The following CYTH1 variants were observed in gnomAD, a reference collection of about 807,000 sequenced individuals.
CYTH1 encodes cytohesin-1.
Under a neutral mutation model 61.8 loss-of-function variants are expected in CYTH1, and 18 were observed. That is an observed-to-expected ratio of 0.29 (90% CI 0.20 to 0.43). CYTH1 has a LOEUF of 0.43. Among genes scored for constraint, CYTH1 ranks in the 20% least tolerant of loss-of-function variants. The pLI is 1.00. For synonymous variants in CYTH1, 174 were observed against 184.3 expected (o/e 0.94, Z 0.45); for missense variants, 336 against 510.5 (o/e 0.66, Z 3.29).
intron 1 of CYTH1, among the ~76,000 whole-genome samples, chr17:78,718,543 C>T (rs528287159): frequency 2.6e-5 from 4 of 152,334 alleles, no homozygotes; most frequent in South Asian, 2.1e-4. Flanking sequence ...TCGCCACATA[C>T]CTGTGTCAAT....
At chr17:78,693,804 T>C (rs2092912843) in intron 10 of CYTH1, among the ~76,000 whole-genome samples, 2 of 152,162 alleles carry the variant, frequency 1.3e-5, no homozygotes, top group Non-Finnish European at 2.9e-5. Flanking sequence ...GAACATTTTC[T>C]GAACATGAAC....
At chr17:78,734,208 C>T (rs1245579448) in intron 1 of CYTH1, among the ~76,000 whole-genome samples, 1 of 151,530 alleles carries the variant, frequency 6.6e-6, no homozygotes, top group East Asian at 2.0e-4. Context: ...CAAGATTGCA[C>T]TCCAGCCTCG....
rs548238121 is a variant in CYTH1 at position 78,676,233 on chromosome 17, G to GCAGGGGATTCT, written c.1119-75_1119-65dup. 8.2e-5 allele frequency: 126 copies of GCAGGGGATTCT among 1,528,180 alleles called. No individual in the cohort carries two copies. In the South Asian group the frequency reaches 1.4e-3, roughly 17 times the overall value. The allele number at this position is 1,528,180 out of a possible 1,614,324, so 94.7% of individuals were successfully genotyped here. Reference sequence around the variant, plus strand: ...ACAGAATCAGAAGAAACACACCCAGGCAGGGGATTCTCAGGGGCCCCTCGT... The same window carrying GCAGGGGATTCT: ...ACAGAATCAGAAGAAACACACCCAGGCAGGGGATTCTCAGGGGATTCTCAGGGGCCCCTCGT... On this transcript the variant is annotated intron_variant, in intron 13 of 13. Coordinates refer to ENST00000446868, the MANE Select transcript of CYTH1 (RefSeq NM_004762.6).
At chr17:78,774,801 T>A (rs1350217588) in intron 1 of CYTH1, among the ~76,000 whole-genome samples, 2 of 152,158 alleles carry the variant, frequency 1.3e-5, no homozygotes, top group African/African-American at 2.4e-5. Flanking sequence ...TTATCCAGAG[T>A]CTTTGGTCAC....
intron 1 of CYTH1, chr17:78,727,627 T>A: frequency 2.1e-6 from 1 of 469,940 alleles, no homozygotes; most frequent in Non-Finnish European, 4.4e-6. Flanking sequence ...CGCGGGAAGG[T>A]CCAGGATACT....
chr17:78,674,585 G>A lies in CYTH1; in HGVS notation c.*1506C>T, dbSNP rs1477679846. 1 of 152,324 alleles carries A rather than the reference G, an allele frequency of 6.6e-6. No homozygotes were observed. The highest frequency in any genetic ancestry group is 2.4e-5 in the African/African-American group (1 of 41,468). The allele number at this position is 152,324 out of a possible 1,614,324, so 9.4% of individuals were successfully genotyped here. On this transcript the variant is annotated 3_prime_UTR_variant, in exon 14 of 14. Coordinates refer to ENST00000446868, the MANE Select transcript of CYTH1 (RefSeq NM_004762.6). ...CTCCTCTGCAAAAGCTATTTCCAGA[G>A]ATGCTCGCCAACCCTAAAGGATCAG...
At chr17:78,712,957 C>T (rs1169592261) in intron 1 of CYTH1, among the ~76,000 whole-genome samples, 2 of 151,926 alleles carry the variant, frequency 1.3e-5, no homozygotes, top group East Asian at 3.9e-4. Flanking sequence ...CAGTCCCATT[C>T]CTGTGTCAAG....
intron 11 of CYTH1, among the ~76,000 whole-genome samples, chr17:78,690,121 T>C (rs1037921961): frequency 3.3e-5 from 5 of 151,910 alleles, no homozygotes; most frequent in Non-Finnish European, 7.4e-5. Context: ...GACAGCATCC[T>C]CTCTGTGTCT....
chr17:78,689,567 G>A (rs369520572), intron 11 of CYTH1, among the ~76,000 whole-genome samples: 7 of 152,168 alleles, frequency 4.6e-5, no homozygotes, highest in Admixed American at 2.0e-4. Context: ...AGCTTCCACC[G>A]CTCGCCTGCC....
At chr17:78,697,731 G>A (rs2092955920) in intron 9 of CYTH1, among the ~76,000 whole-genome samples, 1 of 152,154 alleles carries the variant, frequency 6.6e-6, no homozygotes, top group African/African-American at 2.4e-5. Context: ...AGAAGGAAGT[G>A]ACGATGCACT....
intron 1 of CYTH1, among the ~76,000 whole-genome samples, chr17:78,711,336 C>A (rs1227409895): frequency 3.3e-5 from 5 of 150,804 alleles, no homozygotes; most frequent in African/African-American, 1.2e-4. Flanking sequence ...CACACACACA[C>A]ACCAGACTTT....
intron 11 of CYTH1, 62 bp downstream of exon 11, chr17:78,692,355 A>G: frequency 1.3e-6 from 2 of 1,526,956 alleles, no homozygotes; most frequent in Non-Finnish European, 1.8e-6. Context: ...GTCTGATTAG[A>G]GACACTTGGA....
intron 12 of CYTH1, 46 bp downstream of exon 12, chr17:78,680,925 G>C: frequency 2.5e-6 from 4 of 1,578,984 alleles, no homozygotes; most frequent in Non-Finnish European, 3.5e-6. Flanking sequence ...TCTTTGAAAT[G>C]CCCATCCCCT....
At chr17:78,696,088 G>T (rs1219990783) in intron 9 of CYTH1, 79 bp from the exon 10 acceptor site, 1 of 1,362,392 alleles carries the variant, frequency 7.3e-7, no homozygotes, top group Non-Finnish European at 9.8e-7. Flanking sequence ...TTAAAACAAA[G>T]AAATTAAACC....
At position 78,745,282 on chromosome 17, in the gene CYTH1, C is replaced by T. The variant is rs1404683995; in HGVS notation, c.23-35550G>A. Among the ~76,000 whole-genome samples the T allele has an allele frequency of 3.3e-5, 5 of 152,110 alleles. No homozygotes were observed. In the South Asian group the frequency reaches 1.0e-3, roughly 32 times the overall value. On this transcript the variant is annotated intron_variant, in intron 1 of 13. Transcript: ENST00000446868. ...CACCATCGCCAACCTCACCACAGCC[C>T]TCGGAGGCATCTGGAAACATGTCAA...
intron 11 of CYTH1, among the ~76,000 whole-genome samples, chr17:78,686,561 G>C (rs138859687): frequency 2.5e-3 from 387 of 152,156 alleles, no homozygotes; most frequent in Non-Finnish European, 4.4e-3. Flanking sequence ...GGTGAGTGGT[G>C]GGAGAGCTCA....
At chr17:78,698,787 T>G (rs774719566) in intron 8 of CYTH1, 33 bp downstream of exon 8, 2 of 1,541,114 alleles carry the variant, frequency 1.3e-6, no homozygotes, top group Admixed American at 2.4e-5. Flanking sequence ...AACTCTTTCT[T>G]GACTTGAATG....
At chr17:78,734,334 C>T (rs1380540242) in intron 1 of CYTH1, among the ~76,000 whole-genome samples, 1 of 146,998 alleles carries the variant, frequency 6.8e-6, no homozygotes, top group African/African-American at 2.5e-5. Flanking sequence ...AAATAGTGCC[C>T]AATTAATTAA....
intron 11 of CYTH1, among the ~76,000 whole-genome samples, chr17:78,683,302 G>C (rs968555197): frequency 2.6e-5 from 4 of 152,120 alleles, no homozygotes; most frequent in African/African-American, 9.7e-5. Context: ...CTGTTCGGCT[G>C]CTTTGGTCTC....
Sources: allele counts gnomAD v4.1 joint callset (sites outside exome capture counted in the v4.1 genomes callset), GRCh38; gene constraint gnomAD v4.1.1; transcripts MANE v1.5; gene names NCBI Gene and HGNC (gene_info 2026-07-23, HGNC 2026-07-21).